GRK5: variants seen among roughly 807,000 people sequenced by gnomAD.
The protein encoded by GRK5 is G protein-coupled receptor kinase 5, also known as g protein-coupled receptor kinase GRK5.
In GRK5, 40 loss-of-function variants were observed where a neutral mutation model predicts 78.4. The observed-to-expected ratio is 0.51, with a 90% CI of 0.40 to 0.66. The LOEUF is 0.66. Among genes scored for constraint, GRK5 ranks in the 30% least tolerant of loss-of-function variants. GRK5 has a pLI of 0.00. For missense variants in GRK5, 598 were observed against 759.9 expected, an observed-to-expected ratio of 0.79 and a Z score of 2.50; for synonymous variants, 289 against 296.8, an observed-to-expected ratio of 0.97 and a Z score of 0.27.
At chr10:119,283,003 G>A (rs2133692044) in intron 1 of GRK5, among the ~76,000 whole-genome samples, 1 of 152,260 alleles carries the variant, frequency 6.6e-6, no homozygotes, top group East Asian at 1.9e-4. Context: ...GCAGAGTTGG[G>A]GCACATCTCA....
intron 1 of GRK5, among the ~76,000 whole-genome samples, chr10:119,224,726 T>G (rs1460457135): frequency 6.6e-6 from 1 of 152,172 alleles, no homozygotes; most frequent in African/African-American, 2.4e-5. Flanking sequence ...GTCACCCACT[T>G]TTTAATTTTC....
chr10:119,257,316 T>C (rs975560400), intron 1 of GRK5, among the ~76,000 whole-genome samples: 1 of 152,220 alleles, frequency 6.6e-6, no homozygotes, highest in African/African-American at 2.4e-5. Context: ...GATTCTGAAA[T>C]GGAAAAGAGA....
intron 4 of GRK5, among the ~76,000 whole-genome samples, chr10:119,416,589 CTTT>C (rs10542874): frequency 6.4e-5 from 6 of 93,028 alleles, no homozygotes; most frequent in Non-Finnish European, 8.4e-5. Context: ...CTCTCTCTCT[CTTT>C]TTTTTTTTTT....
At chr10:119,255,364 ACAGGACACCCCTTC>A (rs578016170) in intron 1 of GRK5, among the ~76,000 whole-genome samples, 3,707 of 152,284 alleles carry the variant, frequency 0.024, 72 homozygotes, top group Non-Finnish European at 0.038. Flanking sequence ...AAGCTGACAC[ACAGGACACCCCTTC>A]CAGGAAGCTT....
chr10:119,291,803 C>G (rs118056855), intron 1 of GRK5, among the ~76,000 whole-genome samples: 2 of 150,436 alleles, frequency 1.3e-5, no homozygotes, highest in Non-Finnish European at 3.0e-5. Context: ...TTCTCTTCCT[C>G]CTCATCCTGC....
chr10:119,420,738 G>A (rs916825260), intron 4 of GRK5, among the ~76,000 whole-genome samples: 13 of 151,912 alleles, frequency 8.6e-5, no homozygotes, highest in African/African-American at 2.4e-4. Flanking sequence ...CACCATGTTT[G>A]GCTAATTTCT....
At chr10:119,308,800 G>A (rs1850314093) in intron 1 of GRK5, among the ~76,000 whole-genome samples, 2 of 152,370 alleles carry the variant, frequency 1.3e-5, no homozygotes, top group South Asian at 4.1e-4. Context: ...GCCAGGAGGA[G>A]GATCTTAGTG....
At chr10:119,328,182 C>T (rs1042917079) in intron 2 of GRK5, among the ~76,000 whole-genome samples, 1 of 152,174 alleles carries the variant, frequency 6.6e-6, no homozygotes, top group Non-Finnish European at 1.5e-5. Flanking sequence ...ACCACGGTGC[C>T]GTGGATGCCG....
chr10:119,215,375 A>G lies in GRK5; in HGVS notation c.52+7406A>G, dbSNP rs578060435. ...TGATAACCCCATGACTTCTGACATG[A>G]AAAATTAGGGAAAATTAAAAGAAGC... On this transcript the variant is annotated intron_variant, in intron 1 of 15. Transcript: ENST00000392870. Among the ~76,000 whole-genome samples, 12 of 152,160 alleles carry G rather than the reference A, an allele frequency of 7.9e-5. No individual in the cohort carries two copies. In the South Asian group the frequency reaches 2.5e-3, roughly 32 times the overall value.
chr10:119,323,642 G>T (rs1439592697), intron 1 of GRK5, among the ~76,000 whole-genome samples: 1 of 152,174 alleles, frequency 6.6e-6, no homozygotes. Context: ...TTGCCATGTG[G>T]GGTGCCTGGC....
At chr10:119,342,594 G>A (rs904073578) in intron 2 of GRK5, among the ~76,000 whole-genome samples, 2 of 152,144 alleles carry the variant, frequency 1.3e-5, no homozygotes, top group African/African-American at 2.4e-5. Context: ...GTCATCAACC[G>A]TCCCGTGCGG....
chr10:119,232,399 C>G (rs1848845510), intron 1 of GRK5, among the ~76,000 whole-genome samples: 1 of 152,142 alleles, frequency 6.6e-6, no homozygotes, highest in South Asian at 2.1e-4. Flanking sequence ...GAGGAAGAAA[C>G]TCCTAGTGTT....
At chr10:119,333,845 G>A in intron 2 of GRK5, 1 of 532,582 alleles carries the variant, frequency 1.9e-6, no homozygotes, top group Non-Finnish European at 3.8e-6. Flanking sequence ...AAGATGAGAT[G>A]ACAAATCAAG....
chr10:119,341,244 G>C (rs1412835926), intron 2 of GRK5, among the ~76,000 whole-genome samples: 1 of 152,174 alleles, frequency 6.6e-6, no homozygotes, highest in Non-Finnish European at 1.5e-5. Context: ...GCAGCCAGGA[G>C]GCTCTTTCTG....
chr10:119,406,288 G>T (rs1416771952), intron 4 of GRK5, among the ~76,000 whole-genome samples: 1 of 152,220 alleles, frequency 6.6e-6, no homozygotes, highest in Non-Finnish European at 1.5e-5. Context: ...ATGCTGGCTT[G>T]TTTTTGTTAG....
At chr10:119,343,156 CA>C (rs1340345171) in intron 2 of GRK5, among the ~76,000 whole-genome samples, 1 of 152,148 alleles carries the variant, frequency 6.6e-6, no homozygotes, top group Non-Finnish European at 1.5e-5. Flanking sequence ...TGCAAGTGTG[CA>C]AGGCGGGTGG....
rs2133894334 is a variant in GRK5, at chr10:119,430,509, A to G, written c.597+71A>G. The G allele has an allele frequency of 6.9e-7, 1 of 1,452,752 alleles. No homozygotes were observed. Among genetic ancestry groups the G allele is most frequent in the South Asian group, 1.2e-5 (1 of 84,532 alleles). 90.0% of individuals were successfully genotyped at this position (1,452,752 alleles called of 1,614,324 possible). A position where few individuals can be genotyped will look rare whatever the true frequency, so the allele number is the denominator to read the frequency against. ...TCACCTTTCCTGTCCCTTCTAAATC[A>G]ACCTAAAGGGTTGGCCCACGGGTCC... On this transcript the variant is annotated intron_variant, in intron 7 of 15. Transcript: ENST00000392870. The surrounding 1 kb of genome is among the most constrained non-coding windows in gnomAD (Gnocchi z 4.5).
At chr10:119,448,848 C>T (rs1240189923) in intron 13 of GRK5, among the ~76,000 whole-genome samples, 1 of 152,198 alleles carries the variant, frequency 6.6e-6, no homozygotes, top group Non-Finnish European at 1.5e-5. Context: ...CCTTGAAAGT[C>T]CCCTACATGG....
At chr10:119,414,376 CGTGT>C (rs368798484) in intron 4 of GRK5, among the ~76,000 whole-genome samples, 3 of 151,830 alleles carry the variant, frequency 2.0e-5, no homozygotes, top group Non-Finnish European at 4.4e-5. Flanking sequence ...TGGACGTTAG[CGTGT>C]GTGTGTGTGT....
Sources: gnomAD v4.1 joint callset for allele counts (sites outside exome capture counted in the v4.1 genomes callset) on GRCh38, gnomAD v4.1.1 for gene constraint, Gnocchi (gnomAD v3.1) non-coding constraint, MANE v1.5 for transcripts, NCBI Gene and HGNC (gene_info 2026-07-23, HGNC 2026-07-21) for gene names.